RYR3: variants seen among roughly 807,000 people sequenced by gnomAD.
The protein encoded by RYR3 is ryanodine receptor 3.
A neutral mutation model predicts 584.3 loss-of-function variants in RYR3; 207 were observed. The ratio of observed to expected loss-of-function variants is 0.35; its 90% CI spans 0.32 to 0.40. RYR3 has a LOEUF of 0.40. Among genes scored for constraint, RYR3 ranks in the 10% least tolerant of loss-of-function variants. The probability of loss-of-function intolerance (pLI) is 1.00; values close to 1 mark genes in which losing one functional copy is unlikely to be tolerated. For missense variants in RYR3, 5,616 were observed against 6,089.2 expected (o/e 0.92, Z 2.59); for synonymous variants, 2,416 against 2,248.5 (o/e 1.07, Z -2.11).
At chr15:33,725,977 A>G (rs28539597) in intron 45 of RYR3, among the ~76,000 whole-genome samples, 54 of 4,960 alleles carry the variant, frequency 0.011, 1 homozygote, top group African/African-American at 0.024. Flanking sequence ...CCCCCCCCCC[A>G]AAAAAAAAAA....
intron 1 of RYR3, among the ~76,000 whole-genome samples, chr15:33,465,976 C>T (rs959742024): frequency 1.3e-5 from 2 of 152,012 alleles, no homozygotes; most frequent in Non-Finnish European, 2.9e-5. Flanking sequence ...AAGAAAACTA[C>T]AAAAAGAACA....
chr15:33,443,889 T>G (rs190613235), intron 1 of RYR3, among the ~76,000 whole-genome samples: 2 of 152,370 alleles, frequency 1.3e-5, no homozygotes, highest in East Asian at 3.9e-4. Context: ...ACAGTTCATC[T>G]GGGGTTCCCT....
intron 2 of RYR3, among the ~76,000 whole-genome samples, chr15:33,482,296 T>C (rs993105823): frequency 6.6e-6 from 1 of 152,220 alleles, no homozygotes; most frequent in Non-Finnish European, 1.5e-5. Flanking sequence ...TTGTTTATGA[T>C]GTAAAGTTAG....
At chr15:33,740,732 T>A (rs2070005561) in intron 51 of RYR3, among the ~76,000 whole-genome samples, 1 of 152,220 alleles carries the variant, frequency 6.6e-6, no homozygotes, top group Non-Finnish European at 1.5e-5. Context: ...GCAGGGAAAG[T>A]AAGCCTGAGC....
chr15:33,623,597 G>A (rs781768566), intron 19 of RYR3, among the ~76,000 whole-genome samples: 1 of 152,140 alleles, frequency 6.6e-6, no homozygotes, highest in Non-Finnish European at 1.5e-5. Context: ...AGCCGTGATG[G>A]GTCAGCTGAG....
At chr15:33,611,635 A>G (rs2060192784) in intron 18 of RYR3, among the ~76,000 whole-genome samples, 1 of 151,944 alleles carries the variant, frequency 6.6e-6, no homozygotes, top group South Asian at 2.1e-4. Flanking sequence ...ATATATTTGG[A>G]AGAATTTTTA....
intron 1 of RYR3, among the ~76,000 whole-genome samples, chr15:33,356,045 G>A (rs1973931769): frequency 1.3e-5 from 2 of 152,134 alleles, no homozygotes; most frequent in Non-Finnish European, 2.9e-5. Flanking sequence ...ATGGCGGGGG[G>A]TTCTCAGTTT....
At chr15:33,448,528 G>A (rs559283411) in intron 1 of RYR3, among the ~76,000 whole-genome samples, 4 of 152,286 alleles carry the variant, frequency 2.6e-5, no homozygotes, top group East Asian at 1.9e-4. Flanking sequence ...CCTTGAGAGC[G>A]AGATTTGAAG....
At chr15:33,462,062 C>T (rs149265831) in intron 1 of RYR3, among the ~76,000 whole-genome samples, 1 of 152,296 alleles carries the variant, frequency 6.6e-6, no homozygotes, top group Admixed American at 6.5e-5. Context: ...CAGGACAGTT[C>T]AGAGGCCTTA....
rs763956771 is a variant in RYR3 at position 33,587,999 on chromosome 15, C to T, written c.1788+1883C>T. ...GTCTCTGACTAATCCACTTAGTTTT[C>T]GGTGAAGACAATGACTCAAAATATG... On this transcript the variant is annotated intron_variant, in intron 16 of 103. Coordinates refer to ENST00000634891, the MANE Select transcript of RYR3 (RefSeq NM_001036.6). Among the ~76,000 whole-genome samples the T allele has an allele frequency of 6.6e-5, 10 of 152,148 alleles. No homozygotes were observed. The East Asian group carries it at 1.2e-3, about 18-fold the overall frequency.
At chr15:33,801,147 T>C (rs1472024783) in intron 68 of RYR3, among the ~76,000 whole-genome samples, 1 of 152,202 alleles carries the variant, frequency 6.6e-6, no homozygotes, top group Non-Finnish European at 1.5e-5. Context: ...CAGGACATCT[T>C]ACAGGGGTAG....
intron 67 of RYR3, among the ~76,000 whole-genome samples, chr15:33,799,894 T>G (rs2075829527): frequency 6.6e-6 from 1 of 152,008 alleles, no homozygotes; most frequent in Non-Finnish European, 1.5e-5. Context: ...AAACCCCACA[T>G]TTGATATCAG....
intron 27 of RYR3, among the ~76,000 whole-genome samples, chr15:33,639,675 C>G (rs992599830): frequency 1.3e-5 from 2 of 152,142 alleles, no homozygotes; most frequent in African/African-American, 2.4e-5. Flanking sequence ...GCCTTTTGCC[C>G]TTTTGGGGAA....
At chr15:33,377,547 G>A (rs1225659159) in intron 1 of RYR3, among the ~76,000 whole-genome samples, 2 of 152,230 alleles carry the variant, frequency 1.3e-5, no homozygotes, top group African/African-American at 4.8e-5. Flanking sequence ...ATTGGAGCAA[G>A]TTAGAGTCCG....
At chr15:33,546,005 T>G (rs1377023352) in intron 8 of RYR3, among the ~76,000 whole-genome samples, 1 of 152,194 alleles carries the variant, frequency 6.6e-6, no homozygotes, top group Non-Finnish European at 1.5e-5. Context: ...CTTAACCTAT[T>G]GAAGCTAAGG....
At position 33,401,744 on chromosome 15, in the gene RYR3, T is replaced by C. The variant is rs576674355; in HGVS notation, c.52-71675T>C. The stretch of plus-strand genomic sequence containing the variant: ...AGTGCTCAACCCCTACAAATGTTGT[T>C]ATATGGATGACAAATCCTATATTTG... On this transcript the variant is annotated intron_variant, in intron 1 of 103. Coordinates refer to ENST00000634891, the MANE Select transcript of RYR3 (RefSeq NM_001036.6). Among the ~76,000 whole-genome samples the C allele has an allele frequency of 2.0e-5, 3 of 152,344 alleles. No homozygotes were observed. In the East Asian group the frequency reaches 5.8e-4, roughly 29 times the overall value.
At chr15:33,685,917 A>G (rs1179000265) in intron 38 of RYR3, among the ~76,000 whole-genome samples, 1 of 152,242 alleles carries the variant, frequency 6.6e-6, no homozygotes, top group Admixed American at 6.5e-5. Flanking sequence ...ACAACATACC[A>G]GAATCTCTGG....
intron 16 of RYR3, among the ~76,000 whole-genome samples, chr15:33,586,870 C>T (rs371431508): frequency 2.6e-5 from 4 of 152,168 alleles, no homozygotes; most frequent in East Asian, 1.9e-4. Flanking sequence ...CGGGGACTAT[C>T]GTGCTAATTA....
intron 10 of RYR3, among the ~76,000 whole-genome samples, chr15:33,550,734 TAAACA>T (rs1225027805): frequency 5.7e-5 from 2 of 35,334 alleles, no homozygotes; most frequent in African/African-American, 4.3e-4. Context: ...GGTAATTTGT[TAAACA>T]AAAAAAAGAT....
Sources: gnomAD v4.1 joint callset for allele counts (sites outside exome capture counted in the v4.1 genomes callset) on GRCh38, gnomAD v4.1.1 for gene constraint, MANE v1.5 for transcripts, NCBI Gene and HGNC (gene_info 2026-07-23, HGNC 2026-07-21) for gene names.